TFAP2A: variants seen among roughly 807,000 people sequenced by gnomAD.
The protein encoded by TFAP2A is transcription factor AP-2 alpha, also known as transcription factor AP-2-alpha.
A neutral mutation model predicts 41.5 loss-of-function variants in TFAP2A; 7 were observed. The ratio of observed to expected loss-of-function variants is 0.17; its 90% CI spans 0.10 to 0.32. The LOEUF (loss-of-function observed/expected upper bound fraction) is 0.32. Among genes scored for constraint, TFAP2A ranks in the 10% least tolerant of loss-of-function variants. The pLI is 1.00. For synonymous variants in TFAP2A, 247 were observed against 242.8 expected, an observed-to-expected ratio of 1.02 and a Z score of -0.16; for missense variants, 416 against 563.3, an observed-to-expected ratio of 0.74 and a Z score of 2.65.
At position 10,402,623 on chromosome 6, in the gene TFAP2A, T is replaced by C. The variant is rs770087368; in HGVS notation, c.771-13A>G. ...TTTAGACTTCGCCCTGTTTCACAAA[T>C]ATATGCGAGAAAGGGATTTAGAAAA... On this transcript the variant is annotated splice_polypyrimidine_tract_variant and intron_variant, in intron 4 of 6. Coordinates refer to ENST00000379613, the MANE Select transcript of TFAP2A (RefSeq NM_001372066.1). 3.2e-6 allele frequency: 5 copies of C among 1,573,216 alleles called. No individual in the cohort carries two copies. Among genetic ancestry groups the C allele is most frequent in the South Asian group, 1.1e-5 (1 of 90,294 alleles).
In TFAP2A at chr6:10,398,043, T is replaced by TTTG. The variant is rs34426547; in HGVS notation, c.*371_*373dup. The stretch of plus-strand genomic sequence containing the variant: ...TTTTTTTAGAAAAAAGTTTTTAATT[T>TTTG]TTGTTGTTGTTGTTGCTGTTGTTGA... On this transcript the variant is annotated 3_prime_UTR_variant, in exon 7 of 7. Coordinates refer to ENST00000379613, the MANE Select transcript of TFAP2A (RefSeq NM_001372066.1). The surrounding 1 kb of genome is among the most constrained non-coding windows in gnomAD (Gnocchi z 5.3). The TTTG allele has an allele frequency of 6.5e-5, 71 of 1,088,904 alleles. No individual in the cohort carries two copies. Among genetic ancestry groups the TTTG allele is most frequent in the Admixed American group, 1.9e-4 (4 of 20,914 alleles). 67.5% of individuals were successfully genotyped at this position (1,088,904 alleles called of 1,614,324 possible).
In TFAP2A at chr6:10,410,180, G is replaced by A. The variant is rs1447190824; in HGVS notation, c.207C>T (p.Pro69=). 3.8e-6 allele frequency: 6 copies of A among 1,596,952 alleles called. No individual in the cohort carries two copies. Among genetic ancestry groups the A allele is most frequent in the Non-Finnish European group, 5.1e-6 (6 of 1,171,346 alleles). ...YFPPPYQPIY[P]QSQDPYSHVN... Reference sequence around the variant, plus strand: ...CGTGGGAGTAAGGATCTTGCGACTGGGGGTAGATAGGCTGGTAGGGTGGGG... The same window carrying A: ...CGTGGGAGTAAGGATCTTGCGACTGAGGGTAGATAGGCTGGTAGGGTGGGG... Residue 69 remains proline, a synonymous_variant, in exon 2 of 7, where the codon CCC becomes CCT. Coordinates refer to ENST00000379613, the MANE Select transcript of TFAP2A (RefSeq NM_001372066.1).
upstream of TFAP2A, chr6:10,415,422 C>T (rs866157984): frequency 2.4e-5 from 10 of 412,752 alleles, no homozygotes; most frequent in Admixed American, 4.2e-5. Flanking sequence ...TTCTAGAGCG[C>T]ACTCCAGCCT....
At chr6:10,401,670 CT>C (rs895205823) in intron 5 of TFAP2A, among the ~76,000 whole-genome samples, 6 of 151,964 alleles carry the variant, frequency 3.9e-5, no homozygotes, top group Non-Finnish European at 7.4e-5. Flanking sequence ...ATTAAAGTAA[CT>C]TTTTTTTCCC....
chr6:10,414,804 C>T (rs1204692179), intron 1 of TFAP2A, 137 bp downstream of exon 1: 1 of 1,191,968 alleles, frequency 8.4e-7, no homozygotes, highest in Non-Finnish European at 1.2e-6. Context: ...TCGGGCGAAT[C>T]CGAGGGACGG....
At chr6:10,419,509 G>A, upstream of TFAP2A, 1 of 1,608,274 alleles carries the variant, frequency 6.2e-7, no homozygotes, top group Non-Finnish European at 8.5e-7. Flanking sequence ...GGGCTCGGTC[G>A]GGCCAGCTCC....
At chr6:10,403,227 GAAAGTGGTT>G (rs1757498584) in intron 4 of TFAP2A, among the ~76,000 whole-genome samples, 1 of 152,252 alleles carries the variant, frequency 6.6e-6, no homozygotes, top group Non-Finnish European at 1.5e-5. Context: ...CCCATAATCA[GAAAGTGGTT>G]AAGATAAATT....
intron 3 of TFAP2A, chr6:10,406,132 A>G (rs1374162152): frequency 6.6e-6 from 1 of 152,414 alleles, no homozygotes; most frequent in East Asian, 1.9e-4. Context: ...ACCAAGAGTG[A>G]ATAGCATTTA....
rs73414704 is a variant in TFAP2A at position 10,411,381 on chromosome 6, G to A, written c.52-1046C>T. 0.024 allele frequency among the ~76,000 whole-genome samples: 3,607 copies of A among 152,022 alleles called. 148 individuals carry two copies. Among genetic ancestry groups the A allele is most frequent in the African/African-American group, 0.083 (3,433 of 41,408 alleles). ...GGTCGAGCGGGGGCTGGGGTAGGGG[G>A]TAATGCACTCGATTTAGGGATGGAA... is the stretch of plus-strand genomic sequence containing the variant. On this transcript the variant is annotated intron_variant, in intron 1 of 6. Transcript: ENST00000379613.
chr6:10,414,909 C>A (rs370457679), intron 1 of TFAP2A, 32 bp downstream of exon 1: 45 of 1,613,240 alleles, frequency 2.8e-5, no homozygotes, highest in Non-Finnish European at 3.5e-5. Flanking sequence ...AGCCTGTGAC[C>A]GCACGGATGA....
chr6:10,403,986 G>A (rs978898552), intron 4 of TFAP2A, among the ~76,000 whole-genome samples: 3 of 152,168 alleles, frequency 2.0e-5, no homozygotes, highest in Non-Finnish European at 4.4e-5. Flanking sequence ...GACTCAAGAG[G>A]ACAACCATTC....
At chr6:10,415,323 C>A, upstream of TFAP2A, 1 of 1,299,404 alleles carries the variant, frequency 7.7e-7, no homozygotes, top group South Asian at 1.5e-5. Flanking sequence ...ATTAGCATAT[C>A]AACAATAGTC....
chr6:10,400,241 G>T (rs182479636), intron 6 of TFAP2A, among the ~76,000 whole-genome samples: 2 of 150,794 alleles, frequency 1.3e-5, no homozygotes, highest in Admixed American at 1.3e-4. Context: ...GAGTAAATGG[G>T]ACAGATGAGA....
intron 2 of TFAP2A, 28 bp downstream of exon 2, chr6:10,409,873 C>T (rs975589454): frequency 2.6e-6 from 4 of 1,547,262 alleles, no homozygotes; most frequent in Admixed American, 3.9e-5. Flanking sequence ...GCTGTGTTCC[C>T]TCCCGCGCTG....
At chr6:10,411,380 G>A (rs1156311725) in intron 1 of TFAP2A, among the ~76,000 whole-genome samples, 1 of 152,014 alleles carries the variant, frequency 6.6e-6, no homozygotes, top group African/African-American at 2.4e-5. Flanking sequence ...TGGGGTAGGG[G>A]GTAATGCACT....
At chr6:10,402,734 C>A (rs1051623327) in intron 4 of TFAP2A, 124 bp from the exon 5 acceptor site, 1 of 773,380 alleles carries the variant, frequency 1.3e-6, no homozygotes, top group Non-Finnish European at 2.2e-6. Flanking sequence ...GGCCCCAAGA[C>A]ATTTAAAGGA....
At chr6:10,401,596 T>G (rs772263143) in intron 5 of TFAP2A, among the ~76,000 whole-genome samples, 1 of 152,236 alleles carries the variant, frequency 6.6e-6, no homozygotes. Context: ...AAATACAAGA[T>G]GTGAATGAAA....
intron 1 of TFAP2A, among the ~76,000 whole-genome samples, chr6:10,413,980 T>G (rs1581275363): frequency 6.6e-6 from 1 of 152,190 alleles, no homozygotes; most frequent in East Asian, 1.9e-4. Context: ...GTGTTGGTTG[T>G]AACCGTTCCC....
At chr6:10,419,269 T>A, upstream of TFAP2A, 1 of 913,726 alleles carries the variant, frequency 1.1e-6, no homozygotes. Context: ...CGCTGTCTCC[T>A]GGGAGCTCTC....
Sources: gnomAD v4.1 joint callset for allele counts (sites outside exome capture counted in the v4.1 genomes callset) on GRCh38, gnomAD v4.1.1 for gene constraint, Gnocchi (gnomAD v3.1) non-coding constraint, MANE v1.5 for transcripts, NCBI Gene and HGNC (gene_info 2026-07-23, HGNC 2026-07-21) for gene names.